ANK2: variants seen among roughly 807,000 people sequenced by gnomAD.
ANK2 encodes the protein ankyrin-2.
In ANK2, 83 loss-of-function variants were observed where a neutral mutation model predicts 360.5. The ratio of observed to expected loss-of-function variants is 0.23; its 90% CI spans 0.19 to 0.28. ANK2 has a LOEUF of 0.28. Among genes scored for constraint, ANK2 ranks in the 10% least tolerant of loss-of-function variants. ANK2 has a pLI of 1.00. For synonymous variants in ANK2, 1,740 were observed against 1,759.5 expected (o/e 0.99, Z 0.28); for missense variants, 4,201 against 4,795.7 (o/e 0.88, Z 3.66).
chr4:113,202,315 A>G (rs2098841652), intron 4 of ANK2, among the ~76,000 whole-genome samples: 1 of 152,146 alleles, frequency 6.6e-6, no homozygotes, highest in Non-Finnish European at 1.5e-5. Context: ...CTTATGTAAG[A>G]TACAGGATTC....
At chr4:112,889,075 A>G (rs968344478) in intron 1 of ANK2, among the ~76,000 whole-genome samples, 2 of 152,226 alleles carry the variant, frequency 1.3e-5, no homozygotes, top group Admixed American at 1.3e-4. Flanking sequence ...TATAATTTCT[A>G]GTTTCTCTAT....
intron 1 of ANK2, chr4:112,904,391 T>C: frequency 1.0e-6 from 1 of 963,372 alleles, no homozygotes; most frequent in South Asian, 1.8e-5. Flanking sequence ...ATATGGAAAC[T>C]GTTCTTAATG....
At chr4:112,922,535 T>A (rs959210923) in intron 2 of ANK2, among the ~76,000 whole-genome samples, 1 of 152,224 alleles carries the variant, frequency 6.6e-6, no homozygotes. Context: ...ACAGGGGATT[T>A]GATTTAAAGA....
chr4:112,964,148 C>A (rs1481511700), intron 2 of ANK2, among the ~76,000 whole-genome samples: 1 of 148,554 alleles, frequency 6.7e-6, no homozygotes, highest in Non-Finnish European at 1.5e-5. Context: ...ACACGAGATA[C>A]TTTGATACAG....
chr4:113,030,108 G>T (rs1270357118), intron 2 of ANK2, among the ~76,000 whole-genome samples: 1 of 152,024 alleles, frequency 6.6e-6, no homozygotes, highest in Non-Finnish European at 1.5e-5. Context: ...CAACAAAATA[G>T]GAGTGTATAG....
the ANK2 span, among the ~76,000 whole-genome samples, chr4:112,752,373 T>C: frequency 1.3e-5 from 2 of 152,326 alleles, no homozygotes; most frequent in Admixed American, 1.3e-4. Context: ...CAAGTGCCTC[T>C]GCTTTCTAGT....
At chr4:112,742,245 C>T in the ANK2 span, among the ~76,000 whole-genome samples, 12 of 152,058 alleles carry the variant, frequency 7.9e-5, no homozygotes, top group African/African-American at 9.6e-5. Context: ...CCAGCCTGGG[C>T]GACAGAGCGA....
chr4:112,939,634 C>T (rs2094047939), intron 2 of ANK2, among the ~76,000 whole-genome samples: 1 of 152,132 alleles, frequency 6.6e-6, no homozygotes, highest in Admixed American at 6.5e-5. Flanking sequence ...TTTAAAAATA[C>T]AATTTTATTT....
chr4:112,796,453 T>C, the ANK2 span, among the ~76,000 whole-genome samples: 3,205 of 85,192 alleles, frequency 0.038, 115 homozygotes, highest in African/African-American at 0.17. Flanking sequence ...TCTATATATC[T>C]ATCTATATAT....
At chr4:113,021,303 G>A (rs2058009959) in intron 2 of ANK2, among the ~76,000 whole-genome samples, 1 of 151,792 alleles carries the variant, frequency 6.6e-6, no homozygotes, top group African/African-American at 2.4e-5. Context: ...ATTCAGCTAG[G>A]TCGTTAGTGT....
At chr4:112,882,677 C>T (rs1379799790) in intron 1 of ANK2, among the ~76,000 whole-genome samples, 2 of 151,224 alleles carry the variant, frequency 1.3e-5, no homozygotes, top group Non-Finnish European at 2.9e-5. Context: ...GCCAAAACGC[C>T]AGGTTTAATG....
chr4:113,125,730 C>G (rs2095625673), intron 1 of ANK2, among the ~76,000 whole-genome samples: 1 of 151,932 alleles, frequency 6.6e-6, no homozygotes, highest in African/African-American at 2.4e-5. Flanking sequence ...CCAGGTTTTT[C>G]TTCATTTAAG....
chr4:112,915,895 A>G (rs537637562), intron 2 of ANK2, among the ~76,000 whole-genome samples: 6 of 152,164 alleles, frequency 3.9e-5, no homozygotes, highest in East Asian at 1.9e-4. Context: ...TAATTATTAT[A>G]TAAGTATATA....
At chr4:113,259,091 C>A (rs1335997683) in intron 13 of ANK2, among the ~76,000 whole-genome samples, 3 of 152,170 alleles carry the variant, frequency 2.0e-5, no homozygotes, top group Non-Finnish European at 4.4e-5. Flanking sequence ...TCTATGTAAT[C>A]TAAATTAGGA....
At chr4:112,717,786 A>AT in the ANK2 span, among the ~76,000 whole-genome samples, 3 of 8,852 alleles carry the variant, frequency 3.4e-4, no homozygotes, top group South Asian at 0.031. Flanking sequence ...TACTTTAAAA[A>AT]AAAAATATTT....
At chr4:112,908,144 T>A (rs2085885217) in intron 2 of ANK2, among the ~76,000 whole-genome samples, 1 of 152,146 alleles carries the variant, frequency 6.6e-6, no homozygotes, top group Admixed American at 6.6e-5. Flanking sequence ...AAAGCCAATA[T>A]AAGAAATGGT....
At chr4:113,268,774 T>G (rs997884822) in intron 14 of ANK2, among the ~76,000 whole-genome samples, 2 of 152,168 alleles carry the variant, frequency 1.3e-5, no homozygotes, top group African/African-American at 4.8e-5. Context: ...AAATGAGTTA[T>G]GGAGGAGTCT....
At chr4:113,174,700 T>A (rs1221702234) in intron 2 of ANK2, among the ~76,000 whole-genome samples, 183 bp downstream of exon 2, 3 of 152,228 alleles carry the variant, frequency 2.0e-5, no homozygotes, top group Admixed American at 6.5e-5. Context: ...CTAGAGCTAA[T>A]GTTGCTGAAA....
At chr4:113,031,394 C>T (rs1400780584) in intron 2 of ANK2, 2 of 151,954 alleles carry the variant, frequency 1.3e-5, no homozygotes, top group Non-Finnish European at 2.9e-5. Context: ...AGAGAGGATG[C>T]CGTGGGGACT....
Sources: allele counts gnomAD v4.1 joint callset (sites outside exome capture counted in the v4.1 genomes callset), GRCh38; gene constraint gnomAD v4.1.1; transcripts MANE v1.5; gene names NCBI Gene and HGNC (gene_info 2026-07-23, HGNC 2026-07-21).